RIMS1: variants seen among roughly 807,000 people sequenced by gnomAD.
RIMS1 encodes the protein regulating synaptic membrane exocytosis protein 1.
RIMS1 carries 83 observed loss-of-function variants against 214.1 expected under a neutral mutation model. The ratio of observed to expected loss-of-function variants is 0.39; its 90% CI spans 0.32 to 0.47. The LOEUF is 0.47. RIMS1 is among the 20% of genes least tolerant of loss of function. RIMS1 has a pLI of 0.99. For missense variants in RIMS1, 2,050 were observed against 2,161.8 expected, an observed-to-expected ratio of 0.95 and a Z score of 1.03; for synonymous variants, 793 against 786.8, an observed-to-expected ratio of 1.01 and a Z score of -0.13.
At chr6:72,008,741 T>C (rs944932659) in intron 2 of RIMS1, among the ~76,000 whole-genome samples, 6 of 152,016 alleles carry the variant, frequency 3.9e-5, no homozygotes, top group South Asian at 2.1e-4. Context: ...CATTACATAA[T>C]AGTAAAGGGA....
At chr6:72,055,777 G>A (rs1386550629) in intron 2 of RIMS1, among the ~76,000 whole-genome samples, 1 of 152,180 alleles carries the variant, frequency 6.6e-6, no homozygotes, top group Non-Finnish European at 1.5e-5. Context: ...TGCTGGTAAA[G>A]TTGTGGACAA....
chr6:72,011,366 C>T (rs1485662119), intron 2 of RIMS1, among the ~76,000 whole-genome samples: 1 of 152,104 alleles, frequency 6.6e-6, no homozygotes, highest in Non-Finnish European at 1.5e-5. Flanking sequence ...GACCTAAAAC[C>T]ATAAAAACTC....
At chr6:72,027,327 A>C (rs1450507772) in intron 2 of RIMS1, among the ~76,000 whole-genome samples, 1 of 152,104 alleles carries the variant, frequency 6.6e-6, no homozygotes, top group Non-Finnish European at 1.5e-5. Context: ...TGGGGCAAAC[A>C]ATTTTTGCCT....
At chr6:71,909,938 C>T (rs561208564) in intron 1 of RIMS1, among the ~76,000 whole-genome samples, 3 of 152,156 alleles carry the variant, frequency 2.0e-5, no homozygotes, top group Admixed American at 1.3e-4. Context: ...AAAAGCAGCC[C>T]GGATGAGGAG....
chr6:72,396,512 A>G (rs1261315531), intron 31 of RIMS1, among the ~76,000 whole-genome samples: 1 of 152,150 alleles, frequency 6.6e-6, no homozygotes, highest in African/African-American at 2.4e-5. Context: ...TCCTCAAGAA[A>G]CTCTTTGCAG....
At chr6:71,972,750 G>A (rs996676762) in intron 2 of RIMS1, among the ~76,000 whole-genome samples, 1 of 152,100 alleles carries the variant, frequency 6.6e-6, no homozygotes, top group African/African-American at 2.4e-5. Context: ...TTTCTTAAGA[G>A]TTTCTTCTCA....
chr6:72,069,438 G>T (rs1830084877), intron 2 of RIMS1, among the ~76,000 whole-genome samples: 1 of 152,230 alleles, frequency 6.6e-6, no homozygotes, highest in South Asian at 2.1e-4. Context: ...AACAATGTTT[G>T]TGATAAATAT....
chr6:72,337,174 G>C (rs924932914), intron 29 of RIMS1, among the ~76,000 whole-genome samples: 4 of 151,762 alleles, frequency 2.6e-5, no homozygotes, highest in African/African-American at 9.7e-5. Flanking sequence ...TGAACCTCCA[G>C]GTAAACTGCA....
At chr6:72,050,417 A>G (rs1824296159) in intron 2 of RIMS1, among the ~76,000 whole-genome samples, 1 of 152,174 alleles carries the variant, frequency 6.6e-6, no homozygotes, top group Non-Finnish European at 1.5e-5. Flanking sequence ...ATAAGCTGGT[A>G]TCAAGAGTGA....
intron 23 of RIMS1, among the ~76,000 whole-genome samples, chr6:72,277,451 A>G (rs1007178426): frequency 6.0e-4 from 90 of 151,004 alleles, no homozygotes; most frequent in South Asian, 4.8e-3. Context: ...GCGCGGTGGC[A>G]GGCGCCTGTA....
intron 1 of RIMS1, among the ~76,000 whole-genome samples, chr6:71,896,697 TATG>T (rs1771911476): frequency 6.6e-6 from 1 of 152,202 alleles, no homozygotes; most frequent in African/African-American, 2.4e-5. Context: ...GAGTGGTGGT[TATG>T]ATAAGAGGTG....
intron 4 of RIMS1, among the ~76,000 whole-genome samples, chr6:72,149,246 A>G (rs1160453466): frequency 6.6e-6 from 1 of 152,208 alleles, no homozygotes; most frequent in Non-Finnish European, 1.5e-5. Flanking sequence ...ATATCTGTGT[A>G]GTTTGCAACA....
chr6:72,368,534 T>G (rs1394272791), intron 29 of RIMS1, among the ~76,000 whole-genome samples: 1 of 151,762 alleles, frequency 6.6e-6, no homozygotes, highest in Non-Finnish European at 1.5e-5. Flanking sequence ...GACCTTGTGA[T>G]CCACCCGCCT....
intron 1 of RIMS1, among the ~76,000 whole-genome samples, chr6:71,953,799 C>T (rs1790364347): frequency 6.6e-6 from 1 of 152,164 alleles, no homozygotes; most frequent in Admixed American, 6.5e-5. Flanking sequence ...AGCAAATGCA[C>T]CTGCTCTTCT....
intron 2 of RIMS1, among the ~76,000 whole-genome samples, chr6:72,066,107 G>C (rs957261720): frequency 6.6e-6 from 1 of 152,050 alleles, no homozygotes; most frequent in African/African-American, 2.4e-5. Flanking sequence ...CTAAGTATGT[G>C]GACAACCTCC....
At chr6:72,026,466 C>G (rs1191587364) in intron 2 of RIMS1, among the ~76,000 whole-genome samples, 2 of 99,556 alleles carry the variant, frequency 2.0e-5, no homozygotes, top group African/African-American at 3.2e-5. Flanking sequence ...CCCCCCCCCC[C>G]AACTTTTTTT....
intron 3 of RIMS1, among the ~76,000 whole-genome samples, chr6:72,098,372 G>A (rs368918176): frequency 1.3e-5 from 2 of 149,650 alleles, no homozygotes; most frequent in African/African-American, 2.5e-5. Context: ...TTGGCTCACC[G>A]CCATCTCCAC....
At chr6:72,387,808 G>A (rs745423854) in intron 29 of RIMS1, among the ~76,000 whole-genome samples, 2 of 152,160 alleles carry the variant, frequency 1.3e-5, no homozygotes, top group Non-Finnish European at 2.9e-5. Flanking sequence ...CCTTTCAGTA[G>A]CATTTCAACT....
At chr6:71,984,781 C>CA (rs1562029419) in intron 2 of RIMS1, among the ~76,000 whole-genome samples, 4,011 of 65,420 alleles carry the variant, frequency 0.061, 77 homozygotes, top group Non-Finnish European at 0.099. Flanking sequence ...ACATATCTAT[C>CA]TATCTATCTA....
Sources: allele counts gnomAD v4.1 joint callset (sites outside exome capture counted in the v4.1 genomes callset), GRCh38; gene constraint gnomAD v4.1.1; transcripts MANE v1.5; gene names NCBI Gene and HGNC (gene_info 2026-07-23, HGNC 2026-07-21).